The following EXT2 variants were observed in gnomAD, a reference collection of about 807,000 sequenced individuals.
EXT2 encodes exostosin-2.
In EXT2, 53 loss-of-function variants were observed where a neutral mutation model predicts 81.6. That is an observed-to-expected ratio of 0.65 (90% confidence interval 0.52 to 0.82). The LOEUF (loss-of-function observed/expected upper bound fraction) is 0.82. Among genes scored for constraint, EXT2 ranks in the 40% least tolerant of loss-of-function variants. The probability of loss-of-function intolerance (pLI) is 0.00; values close to 1 mark genes in which losing one functional copy is unlikely to be tolerated. For missense variants in EXT2, 774 were observed against 910.2 expected (o/e 0.85, Z 1.93); for synonymous variants, 320 against 340.0 (o/e 0.94, Z 0.65).
intron 8 of EXT2, among the ~76,000 whole-genome samples, chr11:44,197,508 T>C (rs1413444986): frequency 6.6e-6 from 1 of 152,202 alleles, no homozygotes; most frequent in Non-Finnish European, 1.5e-5. Flanking sequence ...TGTAGATTTA[T>C]ATTCTTTTAT....
Position 44,169,266 on chromosome 11 carries a change from A to G in EXT2, c.1174-2345A>G, listed in dbSNP as rs556698263. The stretch of plus-strand genomic sequence containing the variant: ...TAATAAAAATAAATAAATATAAAAC[A>G]TGTCTTGTGGGATTTAAAATATGTA... On this transcript the variant is annotated intron_variant, in intron 7 of 13. Coordinates refer to ENST00000533608, the MANE Select transcript of EXT2 (RefSeq NM_207122.2). Among the ~76,000 whole-genome samples the G allele has an allele frequency of 9.9e-5, 15 of 151,848 alleles. No individual in the cohort carries two copies. In the East Asian group the frequency reaches 2.9e-3, roughly 29 times the overall value.
chr11:44,118,921 T>G (rs946942471), intron 4 of EXT2, among the ~76,000 whole-genome samples: 4 of 151,840 alleles, frequency 2.6e-5, no homozygotes, highest in Non-Finnish European at 4.4e-5. Context: ...TGTTCTGTGA[T>G]TTAAAAAGTT....
At chr11:44,177,214 G>C (rs954874125) in intron 8 of EXT2, among the ~76,000 whole-genome samples, 1 of 152,224 alleles carries the variant, frequency 6.6e-6, no homozygotes, top group Non-Finnish European at 1.5e-5. Context: ...ATTAGGGGAA[G>C]TGTGCATGTT....
chr11:44,135,955 T>C (rs550426531), intron 7 of EXT2, among the ~76,000 whole-genome samples: 1 of 152,356 alleles, frequency 6.6e-6, no homozygotes, highest in East Asian at 1.9e-4. Flanking sequence ...ATACAGAAAT[T>C]ACTATTCATG....
intron 10 of EXT2, among the ~76,000 whole-genome samples, chr11:44,230,709 G>A (rs574534796): frequency 2.6e-5 from 4 of 152,284 alleles, no homozygotes; most frequent in South Asian, 4.1e-4. Flanking sequence ...AACATTTCCC[G>A]ATATGTTTCA....
intron 7 of EXT2, among the ~76,000 whole-genome samples, chr11:44,164,510 T>C (rs1954967229): frequency 6.6e-6 from 1 of 152,246 alleles, no homozygotes; most frequent in Non-Finnish European, 1.5e-5. Context: ...CCATTGCCTT[T>C]GCATTACTGA....
At chr11:44,104,567 T>G (rs1349219475) in intron 1 of EXT2, 2 of 152,238 alleles carry the variant, frequency 1.3e-5, no homozygotes, top group Non-Finnish European at 1.5e-5. Context: ...CCTCCAGTGG[T>G]GGGGCCAAGG....
chr11:44,189,633 G>A (rs1345866656), intron 8 of EXT2, among the ~76,000 whole-genome samples: 2 of 152,160 alleles, frequency 1.3e-5, no homozygotes, highest in African/African-American at 4.8e-5. Flanking sequence ...ACTGTCATGA[G>A]AACAGCAAGG....
rs1467408882 is a variant in EXT2, at chr11:44,248,023, C to CAGTT, written c.*3739_*3742dup. Among the ~76,000 whole-genome samples the CAGTT allele has an allele frequency of 1.3e-5, 2 of 152,190 alleles. No homozygotes were observed. The highest frequency in any genetic ancestry group is 2.9e-5 in the Non-Finnish European group (2 of 68,028). ...TCTGGGAAGGCTCTTCCTAGCTCTG[C>CAGTT]AGTTAGATCCTGTGAGGACCCAGCT... On this transcript the variant is annotated 3_prime_UTR_variant, in exon 14 of 14. Coordinates refer to ENST00000533608, the MANE Select transcript of EXT2 (RefSeq NM_207122.2).
At chr11:44,104,754 T>C (rs1021005471) in intron 1 of EXT2, 1 of 152,198 alleles carries the variant, frequency 6.6e-6, no homozygotes, top group African/African-American at 2.4e-5. Flanking sequence ...AGGAGGGATA[T>C]GCAGAATGGC....
At chr11:44,193,790 C>A (rs1037655240) in intron 8 of EXT2, among the ~76,000 whole-genome samples, 1 of 152,136 alleles carries the variant, frequency 6.6e-6, no homozygotes, top group African/African-American at 2.4e-5. Context: ...CTGTCCATAC[C>A]CCCCATGCTG....
At chr11:44,168,245 G>A (rs1434819401) in intron 7 of EXT2, among the ~76,000 whole-genome samples, 1 of 152,042 alleles carries the variant, frequency 6.6e-6, no homozygotes, top group Admixed American at 6.6e-5. Flanking sequence ...CAAAGAAAAA[G>A]GGCTAGAAGA....
chr11:44,124,109 C>T (rs1429826324), intron 4 of EXT2, among the ~76,000 whole-genome samples: 1 of 152,210 alleles, frequency 6.6e-6, no homozygotes, highest in African/African-American at 2.4e-5. Context: ...TTTACACATC[C>T]TTGCCATCCA....
At chr11:44,240,440 C>T (rs1169053619) in intron 13 of EXT2, among the ~76,000 whole-genome samples, 1 of 152,166 alleles carries the variant, frequency 6.6e-6, no homozygotes, top group African/African-American at 2.4e-5. Context: ...CCTCTAGTCT[C>T]AGCTACTTGG....
chr11:44,107,611 T>G, intron 1 of EXT2, 72 bp from the exon 2 acceptor site: 1 of 1,410,866 alleles, frequency 7.1e-7, no homozygotes, highest in Non-Finnish European at 9.7e-7. Context: ...AAAAAAAGGT[T>G]GAATAGTCTT....
intron 7 of EXT2, among the ~76,000 whole-genome samples, chr11:44,149,106 A>G (rs1954758734): frequency 6.6e-6 from 1 of 152,182 alleles, no homozygotes; most frequent in African/African-American, 2.4e-5. Context: ...TCAGGCCTGT[A>G]ATCCCAGCAC....
At chr11:44,099,267 G>A (rs1275369862) in intron 1 of EXT2, among the ~76,000 whole-genome samples, 1 of 152,096 alleles carries the variant, frequency 6.6e-6, no homozygotes, top group Non-Finnish European at 1.5e-5. Flanking sequence ...TTCACTGCAA[G>A]CTCCGCCTCC....
chr11:44,096,331 G>C, intron 1 of EXT2: 1 of 1,535,702 alleles, frequency 6.5e-7, no homozygotes, highest in Non-Finnish European at 8.7e-7. Context: ...GGTAGGGAAG[G>C]GGCCAGGGGC....
In EXT2 at chr11:44,226,940, A is replaced by G. The variant is rs1338864169; in HGVS notation, c.1663-5413A>G. The stretch of plus-strand genomic sequence containing the variant: ...GATGTGCCTTGGATCTATAGACTGC[A>G]CCCCCAATTCCATTTCTCTCACTAC... On this transcript the variant is annotated intron_variant, in intron 10 of 13. Coordinates refer to ENST00000533608, the MANE Select transcript of EXT2 (RefSeq NM_207122.2). 3.3e-5 allele frequency among the ~76,000 whole-genome samples: 5 copies of G among 152,164 alleles called. No individual in the cohort carries two copies. The East Asian group carries it at 9.6e-4, about 29-fold the overall frequency.
Sources: allele counts gnomAD v4.1 joint callset (sites outside exome capture counted in the v4.1 genomes callset), GRCh38; gene constraint gnomAD v4.1.1; transcripts MANE v1.5; gene names NCBI Gene and HGNC (gene_info 2026-07-23, HGNC 2026-07-21).